Variants in TRAPPC12 observed in about 807,000 individuals in gnomAD.
TRAPPC12 encodes the protein TPR repeat protein 15.
Under a neutral mutation model 69.2 loss-of-function variants are expected in TRAPPC12, and 61 were observed. The observed-to-expected ratio is 0.88, with a 90% CI of 0.72 to 1.09. The LOEUF is 1.09. Among genes scored for constraint, TRAPPC12 ranks in the 50% least tolerant of loss-of-function variants. The pLI is 0.00. For synonymous variants in TRAPPC12, 469 were observed against 438.9 expected (o/e 1.07, Z -0.86); for missense variants, 1,101 against 1,016.4 (o/e 1.08, Z -1.13).
At chr2:3,421,134 A>G (rs1662758402) in intron 3 of TRAPPC12, among the ~76,000 whole-genome samples, 1 of 152,224 alleles carries the variant, frequency 6.6e-6, no homozygotes, top group East Asian at 1.9e-4. Flanking sequence ...GAAAAGACAG[A>G]GTGAGCATCC....
At chr2:3,476,720 C>CT (rs1019010146) in intron 9 of TRAPPC12, among the ~76,000 whole-genome samples, 9 of 152,238 alleles carry the variant, frequency 5.9e-5, no homozygotes, top group African/African-American at 1.7e-4. Flanking sequence ...CGTGGACAGT[C>CT]TAAGAGTTAA....
At chr2:3,423,432 T>C (rs1662930869) in intron 4 of TRAPPC12, among the ~76,000 whole-genome samples, 1 of 152,100 alleles carries the variant, frequency 6.6e-6, no homozygotes, top group South Asian at 2.1e-4. Flanking sequence ...ATAGATCTCT[T>C]GAGCTTATTC....
At position 3,440,357 on chromosome 2, in the gene TRAPPC12, A is replaced by AT. The variant is rs149118310; in HGVS notation, c.1418-3416dup. Among the ~76,000 whole-genome samples the AT allele has an allele frequency of 6.4e-3, 980 of 152,160 alleles. 11 individuals carry two copies. Among genetic ancestry groups the AT allele is most frequent in the African/African-American group, 0.022 (929 of 41,494 alleles). ...TCTCTTGATTTCTTCAGCTCTGTGA[A>AT]TTTTTTCATCAGAGTTTTATAGTTT... is the stretch of plus-strand genomic sequence containing the variant. On this transcript the variant is annotated intron_variant, in intron 5 of 11. Transcript: ENST00000324266.
intron 2 of TRAPPC12, among the ~76,000 whole-genome samples, chr2:3,389,179 GC>G (rs1660678810): frequency 6.6e-6 from 1 of 152,258 alleles, no homozygotes; most frequent in African/African-American, 2.4e-5. Context: ...GACAATTGAT[GC>G]AGGGTTTTTT....
chr2:3,459,444 A>G (rs1455033658), intron 7 of TRAPPC12, among the ~76,000 whole-genome samples: 2 of 152,154 alleles, frequency 1.3e-5, no homozygotes, highest in African/African-American at 4.8e-5. Context: ...AATGATAAAC[A>G]GGCACCATTG....
intron 6 of TRAPPC12, among the ~76,000 whole-genome samples, chr2:3,444,675 A>G (rs1341311828): frequency 1.3e-5 from 2 of 152,250 alleles, no homozygotes; most frequent in Non-Finnish European, 2.9e-5. Flanking sequence ...TCTTCTTGTC[A>G]GATTCCTCCT....
At chr2:3,394,597 C>T (rs946975015) in intron 2 of TRAPPC12, among the ~76,000 whole-genome samples, 12 of 150,260 alleles carry the variant, frequency 8.0e-5, no homozygotes, top group East Asian at 2.0e-4. Flanking sequence ...TTCCAGCCTG[C>T]GCAACAGAGC....
At chr2:3,457,584 C>G (rs777281358) in intron 6 of TRAPPC12, 37 bp from the exon 7 acceptor site, 16 of 1,583,612 alleles carry the variant, frequency 1.0e-5, no homozygotes, top group Admixed American at 5.0e-5. Context: ...AAAATTGGTT[C>G]CCATGATTTT....
At chr2:3,451,447 C>G (rs1236635723) in intron 6 of TRAPPC12, among the ~76,000 whole-genome samples, 1 of 152,252 alleles carries the variant, frequency 6.6e-6, no homozygotes, top group Non-Finnish European at 1.5e-5. Flanking sequence ...AGCGTCTTCT[C>G]ATGATTACAG....
At chr2:3,460,441 T>C (rs1265316964) in intron 8 of TRAPPC12, 105 bp downstream of exon 8, 1 of 708,890 alleles carries the variant, frequency 1.4e-6, no homozygotes, top group Admixed American at 2.4e-5. Flanking sequence ...GGACCGGCCG[T>C]GCAGAGAAGC....
At chr2:3,418,543 G>A (rs1270863585) in intron 3 of TRAPPC12, among the ~76,000 whole-genome samples, 3 of 152,176 alleles carry the variant, frequency 2.0e-5, no homozygotes, top group Non-Finnish European at 4.4e-5. Flanking sequence ...AGACTTCCTG[G>A]CCATACAGTA....
intron 9 of TRAPPC12, among the ~76,000 whole-genome samples, chr2:3,471,369 C>T (rs1407668698): frequency 6.6e-6 from 1 of 152,156 alleles, no homozygotes; most frequent in Admixed American, 6.5e-5. Context: ...CCCTCGGCCT[C>T]GTCCCGCAGG....
At position 3,384,254 on chromosome 2, in the gene TRAPPC12, C is replaced by T. The variant is rs180712356; in HGVS notation, c.-4-3366C>T. Among the ~76,000 whole-genome samples the T allele has an allele frequency of 3.1e-3, 474 of 152,174 alleles. 4 individuals carry two copies. The highest frequency in any genetic ancestry group is 0.01 in the Middle Eastern group (3 of 294). On this transcript the variant is annotated intron_variant, in intron 1 of 11. Coordinates refer to ENST00000324266, the MANE Select transcript of TRAPPC12 (RefSeq NM_016030.6). ...TGTATTCTACATAAATAATCATACA[C>T]GAAGAATGAAGGTTTGTATTTTTTT...
chr2:3,408,431 A>G (rs950124407), intron 3 of TRAPPC12, among the ~76,000 whole-genome samples: 1 of 152,200 alleles, frequency 6.6e-6, no homozygotes, highest in African/African-American at 2.4e-5. Context: ...GTTCAAGACC[A>G]GCCTGGGCAA....
chr2:3,385,333 TA>T (rs1660442863), intron 1 of TRAPPC12, among the ~76,000 whole-genome samples: 1 of 152,160 alleles, frequency 6.6e-6, no homozygotes, highest in African/African-American at 2.4e-5. Context: ...GAATAAAATT[TA>T]TTTTTTTATT....
chr2:3,456,600 A>G (rs1665167358), intron 6 of TRAPPC12: 1 of 155,040 alleles, frequency 6.4e-6, no homozygotes, highest in Non-Finnish European at 1.4e-5. Flanking sequence ...TTTTTTAAAG[A>G]CAGGGTCTCA....
At chr2:3,400,116 G>A (rs1661355953) in intron 2 of TRAPPC12, among the ~76,000 whole-genome samples, 1 of 152,220 alleles carries the variant, frequency 6.6e-6, no homozygotes, top group Admixed American at 6.5e-5. Flanking sequence ...AGCAGCTGCT[G>A]CGGGCCAGAC....
chr2:3,408,036 T>A (rs1278663317), intron 3 of TRAPPC12, among the ~76,000 whole-genome samples: 1 of 152,096 alleles, frequency 6.6e-6, no homozygotes, highest in African/African-American at 2.4e-5. Context: ...CCAGCATTTG[T>A]CCATTAAACA....
chr2:3,421,287 C>G (rs147210875), intron 3 of TRAPPC12, among the ~76,000 whole-genome samples: 9 of 152,204 alleles, frequency 5.9e-5, no homozygotes, highest in African/African-American at 1.9e-4. Flanking sequence ...TACCAGCCAG[C>G]CTTTCCATGT....
Sources: allele counts gnomAD v4.1 joint callset (sites outside exome capture counted in the v4.1 genomes callset), GRCh38; gene constraint gnomAD v4.1.1; transcripts MANE v1.5; gene names NCBI Gene and HGNC (gene_info 2026-07-23, HGNC 2026-07-21).